Variants in CMYA5 observed in about 807,000 individuals in gnomAD.
The protein encoded by CMYA5 is cardiomyopathy-associated protein 5.
CMYA5 carries 246 observed loss-of-function variants against 318.9 expected under a neutral mutation model. The ratio of observed to expected loss-of-function variants is 0.77; its 90% CI spans 0.70 to 0.86. The LOEUF (loss-of-function observed/expected upper bound fraction) is 0.86. Ranked by LOEUF, CMYA5 falls within the 40% of genes least tolerant of loss-of-function variation. The pLI is 0.00. For missense variants in CMYA5, 4,589 were observed against 4,678.2 expected, an observed-to-expected ratio of 0.98 and a Z score of 0.56; for synonymous variants, 1,641 against 1,729.5, an observed-to-expected ratio of 0.95 and a Z score of 1.27.
rs772476010 is a variant in CMYA5, at chr5:79,735,343, A to T, written c.6578A>T (p.Asp2193Val). Residue 2193 changes from aspartate (D) to valine (V), a missense_variant, in exon 2 of 13, where the codon GAT (aspartate) becomes GTT (valine). Asp to Val is a radical substitution (Grantham distance 152). Coordinates refer to ENST00000446378, the MANE Select transcript of CMYA5 (RefSeq NM_153610.5). ...TTGTTTTTTGGATCGAGCACTCCAG[A>T]TAACAAAGTTGCTGAACAAGAAGAC... is the stretch of plus-strand genomic sequence containing the variant. ...SSLFFGSSTP[D>V]NKVAEQEDLE... is the part of the protein sequence containing the mutation. 6.8e-6 allele frequency: 11 copies of T among 1,613,734 alleles called. No homozygotes were observed. In the African/African-American group the frequency reaches 1.5e-4, roughly 22 times the overall value.
chr5:79,760,827 G>A (rs1828637124), intron 7 of CMYA5, among the ~76,000 whole-genome samples: 2 of 152,198 alleles, frequency 1.3e-5, no homozygotes, highest in Admixed American at 1.3e-4. Flanking sequence ...GGATATGGGA[G>A]AAATATTCTT....
Position 79,733,652 on chromosome 5 carries a change from C to A in CMYA5, c.4887C>A (p.His1629Gln). The A allele has an allele frequency of 6.2e-7, 1 of 1,613,840 alleles. No individual in the cohort carries two copies. Among genetic ancestry groups the A allele is most frequent in the Non-Finnish European group, 8.5e-7 (1 of 1,179,830 alleles). ...SLEPEKKDKP[H>Q]QPLELPNAGS... ...AACCTGAGAAGAAAGACAAGCCACA[C>A]CAACCGTTGGAATTACCAAATGCTG... The change falls in exon 2 of 13, where the codon CAC (histidine) becomes CAA (glutamine). Residue 1629 changes from histidine (H) to glutamine (Q), a missense_variant. Around this residue, in one of 3 missense-constraint regions of CMYA5, gnomAD observed 2,132 missense variants for 2,131.3 expected, o/e 1.00. Coordinates refer to ENST00000446378, the MANE Select transcript of CMYA5 (RefSeq NM_153610.5).
In CMYA5 at chr5:79,702,217, C is replaced by G. The variant is rs75959636; in HGVS notation, c.149+12161C>G. On this transcript the variant is annotated intron_variant, in intron 1 of 12. Coordinates refer to ENST00000446378, the MANE Select transcript of CMYA5 (RefSeq NM_153610.5). ...ATCATTTCCACCCGGAGCAACATGG[C>G]GAGACCCTGTTTTTACAAAAAAATT... Among the ~76,000 whole-genome samples, 17 of 152,138 alleles carry G rather than the reference C, an allele frequency of 1.1e-4. No homozygotes were observed. The East Asian group carries it at 3.3e-3, about 29-fold the overall frequency.
intron 6 of CMYA5, 38 bp downstream of exon 6, chr5:79,752,832 T>G (rs761352551): frequency 7.0e-7 from 1 of 1,438,048 alleles, no homozygotes; most frequent in Non-Finnish European, 9.8e-7. Flanking sequence ...AGATGAAATA[T>G]GGCAGTTTTT....
chr5:79,786,787 C>T (rs933893593), intron 9 of CMYA5, among the ~76,000 whole-genome samples: 2 of 152,150 alleles, frequency 1.3e-5, no homozygotes, highest in Non-Finnish European at 2.9e-5. Flanking sequence ...TTTGTTCTAA[C>T]CTTTTTTGCT....
intron 1 of CMYA5, among the ~76,000 whole-genome samples, chr5:79,726,909 ATT>A (rs34198193): frequency 0.012 from 1,162 of 95,976 alleles, 16 homozygotes; most frequent in African/African-American, 0.055. Context: ...TAGGCCAGTG[ATT>A]TTTTTTTTTT....
Position 79,728,990 on chromosome 5 carries a change from A to G in CMYA5, c.225A>G (p.Thr75=), listed in dbSNP as rs1827808556. The change falls in exon 2 of 13, where the codon ACA becomes ACG. Residue 75 remains threonine, a synonymous_variant. Transcript: ENST00000446378. ...IISDPSFSMV[T]VQREDSGITW... ...CTGACCCCTCCTTTTCCATGGTGAC[A>G]GTCCAAAGGGAAGATAGTGGGATAA... 2 of 1,613,762 alleles carry G rather than the reference A, an allele frequency of 1.2e-6. No individual in the cohort carries two copies. The highest frequency in any genetic ancestry group is 4.5e-5 in the East Asian group (2 of 44,880).
chr5:79,705,730 C>A (rs74939279), intron 1 of CMYA5, among the ~76,000 whole-genome samples: 3,229 of 152,230 alleles, frequency 0.021, 117 homozygotes, highest in African/African-American at 0.073. Context: ...CACCAATCAG[C>A]GTCTAGGACT....
intron 1 of CMYA5, among the ~76,000 whole-genome samples, chr5:79,713,332 C>G (rs1352770782): frequency 3.2e-5 from 4 of 125,106 alleles, no homozygotes; most frequent in Non-Finnish European, 4.8e-5. Context: ...AAAGAATTAT[C>G]TTAGCTCCTA....
intron 1 of CMYA5, among the ~76,000 whole-genome samples, chr5:79,690,412 G>C (rs1209818360): frequency 6.6e-6 from 1 of 152,184 alleles, no homozygotes; most frequent in Non-Finnish European, 1.5e-5. Flanking sequence ...AGGAGAAGGG[G>C]GTGGGGTGGA....
At chr5:79,786,937 C>G (rs1041027953) in intron 9 of CMYA5, among the ~76,000 whole-genome samples, 1 of 152,192 alleles carries the variant, frequency 6.6e-6, no homozygotes, top group African/African-American at 2.4e-5. Context: ...TCAAATCTGC[C>G]TGACCTGTTT....
At position 79,731,749 on chromosome 5, in the gene CMYA5, C is replaced by T. The variant is rs144523819; in HGVS notation, c.2984C>T (p.Ala995Val). ...TTGTCAGATGAAGACACTGAAGAAG[C>T]GGAACTGTTCTCTCCAGACTCAGCA... Reference protein sequence around the residue: ...TILSDEDTEEAELFSPDSASQ... With the variant: ...TILSDEDTEEVELFSPDSASQ... Residue 995 changes from alanine to valine, a missense_variant, in exon 2 of 13, where the codon GCG becomes GTG. Ala to Val is a moderately conservative substitution (Grantham distance 64, BLOSUM62 0). Coordinates refer to ENST00000446378, the MANE Select transcript of CMYA5 (RefSeq NM_153610.5). The T allele has an allele frequency of 1.4e-5, 22 of 1,613,728 alleles. No individual in the cohort carries two copies. Among genetic ancestry groups the T allele is most frequent in the South Asian group, 1.2e-4 (11 of 91,048 alleles).
Position 79,739,234 on chromosome 5 carries a change from AATTATC to A in CMYA5, c.10472_10477del (p.Leu3491_Ser3492del). 6.2e-7 allele frequency: 1 copy of A among 1,613,080 alleles called. No homozygotes were observed. The highest frequency in any genetic ancestry group is 8.5e-7 in the Non-Finnish European group (1 of 1,179,528). ...GGCAGCGAGAGGAAAGAAGAAGACC[AATTATC>A]ATCTGAGGTAGTAACTGAAAAGGCA... On this transcript the variant is annotated inframe_deletion, in exon 2 of 13. Coordinates refer to ENST00000446378, the MANE Select transcript of CMYA5 (RefSeq NM_153610.5).
At chr5:79,788,862 A>G in intron 9 of CMYA5, 109 bp from the exon 10 acceptor site, 2 of 1,144,438 alleles carry the variant, frequency 1.7e-6, no homozygotes, top group Non-Finnish European at 1.2e-6. Context: ...GGGGAAGAAA[A>G]TAAGTTATTT....
intron 3 of CMYA5, 96 bp from the exon 4 acceptor site, chr5:79,745,126 G>A (rs1284537460): frequency 1.9e-5 from 14 of 734,752 alleles, no homozygotes; most frequent in South Asian, 1.7e-4. Context: ...GGATGCCAGA[G>A]GTCAATTCTT....
intron 9 of CMYA5, among the ~76,000 whole-genome samples, chr5:79,777,092 A>G (rs1234109937): frequency 1.3e-5 from 2 of 152,210 alleles, no homozygotes; most frequent in African/African-American, 4.8e-5. Context: ...GTTCAAATTA[A>G]TGTCCCCTTT....
rs1220523799 is a variant in CMYA5 at position 79,791,014 on chromosome 5, C to T, written c.11734C>T (p.His3912Tyr). 6.2e-7 allele frequency: 1 copy of T among 1,613,896 alleles called. No individual in the cohort carries two copies. The highest frequency in any genetic ancestry group is 8.5e-7 in the Non-Finnish European group (1 of 1,179,850). ...GAGAGAAACAGCTCATCCTGCTCTA[C>T]ACATTTCCTCAAGTGGGACAGTGAT... is the stretch of plus-strand genomic sequence containing the variant. ...LLRETAHPAL[H>Y]ISSSGTVISF... is the part of the protein sequence containing the mutation. Residue 3912 changes from histidine (H) to tyrosine (Y), a missense_variant, in exon 11 of 13, where the codon CAC becomes TAC. His to Tyr is a moderately conservative substitution (Grantham distance 83). This residue lies in a region of CMYA5 where 2,431 missense variants were observed against 2,495.1 expected (regional missense o/e 0.97). Coordinates refer to ENST00000446378, the MANE Select transcript of CMYA5 (RefSeq NM_153610.5).
At chr5:79,752,888 G>A (rs560115975) in intron 6 of CMYA5, 94 bp downstream of exon 6, 2 of 778,120 alleles carry the variant, frequency 2.6e-6, no homozygotes, top group Non-Finnish European at 4.2e-6. Flanking sequence ...GATTTTGAGT[G>A]TAAAGACATG....
At position 79,730,572 on chromosome 5, in the gene CMYA5, G is replaced by A. The variant is rs867952885; in HGVS notation, c.1807G>A (p.Asp603Asn). The change falls in exon 2 of 13, where the codon GAT (aspartate) becomes AAT (asparagine). Residue 603 changes from aspartate to asparagine, a missense_variant. This residue lies in a region of CMYA5 where 2,132 missense variants were observed against 2,131.3 expected (regional missense o/e 1.00). Transcript: ENST00000446378. ...AFVSEYSVPQ[D>N]LNHELQEQEG... ...TGTATCAGAGTATTCAGTACCACAG[G>A]ATTTGAACCATGAATTACAGGAGCA... 1.6e-5 allele frequency: 26 copies of A among 1,613,848 alleles called. No individual in the cohort carries two copies. In the African/African-American group the frequency reaches 2.1e-4, roughly 13 times the overall value.
Sources: allele counts gnomAD v4.1 joint callset (sites outside exome capture counted in the v4.1 genomes callset), GRCh38; gene constraint gnomAD v4.1.1; regional missense constraint gnomAD v4.1.1; transcripts MANE v1.5; gene names NCBI Gene and HGNC (gene_info 2026-07-23, HGNC 2026-07-21).